The following AMPD3 variants were observed in gnomAD, a reference collection of about 807,000 sequenced individuals.
AMPD3 encodes AMP deaminase 3.
In AMPD3, 57 loss-of-function variants were observed where a neutral mutation model predicts 82.3. The observed-to-expected ratio is 0.69, with a 90% CI of 0.56 to 0.86. The LOEUF (loss-of-function observed/expected upper bound fraction) is 0.86, where lower values mean the gene tolerates loss of function less well. Ranked by LOEUF, AMPD3 falls within the 40% of genes least tolerant of loss-of-function variation. The probability of loss-of-function intolerance (pLI) is 0.00; values close to 1 mark genes in which losing one functional copy is unlikely to be tolerated. For missense variants in AMPD3, 870 were observed against 1,003.8 expected (o/e 0.87, Z 1.80); for synonymous variants, 381 against 394.7 (o/e 0.97, Z 0.41).
At chr11:10,501,043 G>T in intron 11 of AMPD3, 3 of 985,382 alleles carry the variant, frequency 3.0e-6, no homozygotes, top group South Asian at 4.7e-5. Flanking sequence ...CTCTGGTTCT[G>T]GCTTTGCTAC....
chr11:10,499,990 C>T (rs1244824035), intron 10 of AMPD3, 96 bp from the exon 11 acceptor site: 4 of 1,567,468 alleles, frequency 2.6e-6, no homozygotes, highest in African/African-American at 2.7e-5. Flanking sequence ...GGGGCCCAGA[C>T]CCACAGGCCT....
Position 10,500,958 on chromosome 11 carries a change from C to T in AMPD3, c.1722-512C>T, listed in dbSNP as rs534428251. Reference sequence around the variant, plus strand: ...TGCTAGTTGGTGGGTGTGGAGGTTTCGAATGGGGTCCTGATTGAAAGAAAT... The same window carrying T: ...TGCTAGTTGGTGGGTGTGGAGGTTTTGAATGGGGTCCTGATTGAAAGAAAT... On this transcript the variant is annotated intron_variant, in intron 11 of 14. Transcript: ENST00000396553. 10 of 985,350 alleles carry T rather than the reference C, an allele frequency of 1.0e-5. No homozygotes were observed. The East Asian group carries it at 4.5e-4, about 45-fold the overall frequency. The allele number at this position is 985,350 out of a possible 1,614,324, so 61.0% of individuals were successfully genotyped here. A position where few individuals can be genotyped will look rare whatever the true frequency, so the allele number is the denominator to read the frequency against.
In AMPD3 at chr11:10,470,448, T is replaced by C. The variant is rs549326126; in HGVS notation, c.222-8078T>C. Among the ~76,000 whole-genome samples the C allele has an allele frequency of 1.1e-4, 17 of 152,322 alleles. No individual in the cohort carries two copies. The South Asian group carries it at 3.5e-3, about 32-fold the overall frequency. On this transcript the variant is annotated intron_variant, in intron 2 of 14. Transcript: ENST00000396553. The stretch of plus-strand genomic sequence containing the variant: ...CTCACCACTCCTATTCAACATAGTA[T>C]TGGAAGTTCTGGCAGGGGCAATCAG...
chr11:10,500,070 G>A lies in AMPD3; in HGVS notation c.1558-16G>A. On this transcript the variant is annotated splice_polypyrimidine_tract_variant and intron_variant, in intron 10 of 14. Transcript: ENST00000396553. ...GGTCCTGCCTTGGCCTGGTGCTCAGGACCTCTCCTGCCCAGGTGACGGGGT... is the reference window on the plus strand; with the variant it reads ...GGTCCTGCCTTGGCCTGGTGCTCAGAACCTCTCCTGCCCAGGTGACGGGGT... The A allele has an allele frequency of 6.2e-7, 1 of 1,614,136 alleles. No homozygotes were observed. The highest frequency in any genetic ancestry group is 8.5e-7 in the Non-Finnish European group (1 of 1,180,014).
At chr11:10,497,083 C>A in intron 10 of AMPD3, 145 bp downstream of exon 10, 1 of 1,086,256 alleles carries the variant, frequency 9.2e-7, no homozygotes, top group Non-Finnish European at 1.4e-6. Context: ...GTCACCAGCC[C>A]CAAGAAGCTA....
chr11:10,459,648 C>T (rs1018120131), intron 1 of AMPD3, among the ~76,000 whole-genome samples: 4 of 152,170 alleles, frequency 2.6e-5, no homozygotes, highest in Non-Finnish European at 5.9e-5. Flanking sequence ...ATGGGAAACT[C>T]CTCTTCCAGA....
intron 6 of AMPD3, chr11:10,488,280 A>G (rs950421483): frequency 5.1e-6 from 5 of 985,314 alleles, no homozygotes; most frequent in Non-Finnish European, 6.0e-6. Flanking sequence ...AGTGCTAGGC[A>G]GGGGGTGTTT....
At position 10,502,079 on chromosome 11, in the gene AMPD3, A is replaced by G. The variant is rs118025635; in HGVS notation, c.1842+489A>G. The G allele has an allele frequency of 1.7e-5, 17 of 985,376 alleles. 1 individual carries two copies. The East Asian group carries it at 1.4e-3, about 79-fold the overall frequency. The allele number at this position is 985,376 out of a possible 1,614,324, so 61.0% of individuals were successfully genotyped here. Reference sequence around the variant, plus strand: ...CACTAGTTGGGCACAGAGTCCATCCACCTTTTCACTGGTGTACCCTTGAGC... The same window carrying G: ...CACTAGTTGGGCACAGAGTCCATCCGCCTTTTCACTGGTGTACCCTTGAGC... On this transcript the variant is annotated intron_variant, in intron 12 of 14. Coordinates refer to ENST00000396553, the MANE Select transcript of AMPD3 (RefSeq NM_001025389.2).
At chr11:10,467,775 A>G (rs916464440) in intron 2 of AMPD3, among the ~76,000 whole-genome samples, 1 of 152,226 alleles carries the variant, frequency 6.6e-6, no homozygotes, top group Non-Finnish European at 1.5e-5. Flanking sequence ...GAGAAAGGTC[A>G]GGCTACCCAC....
chr11:10,502,608 G>C (rs906567602), intron 12 of AMPD3, 113 bp from the exon 13 acceptor site: 1 of 1,591,226 alleles, frequency 6.3e-7, no homozygotes, highest in Non-Finnish European at 8.5e-7. Flanking sequence ...GGGCAGACAT[G>C]GTTCAGACCC....
chr11:10,457,037 GT>G (rs1848116639), intron 1 of AMPD3, among the ~76,000 whole-genome samples: 1 of 150,330 alleles, frequency 6.7e-6, no homozygotes, highest in Non-Finnish European at 1.5e-5. Flanking sequence ...GAGTACGGTG[GT>G]GCCATCATGG....
At position 10,505,731 on chromosome 11, in the gene AMPD3, A is replaced by G. The variant is rs1235704267; in HGVS notation, c.2151A>G (p.Gln717=). The change falls in exon 15 of 15, where the codon CAA becomes CAG. Residue 717 remains glutamine (Q), a synonymous_variant. Transcript: ENST00000396553. ...AGGAAAAGCAAAAGTTTCTGGGACA[A>G]AATTATTATAAAGAAGGACCTGAAG... The part of the protein sequence containing the change: ...SHQEKQKFLG[Q]NYYKEGPEGN... The G allele has an allele frequency of 2.5e-6, 4 of 1,614,010 alleles. No homozygotes were observed. Among genetic ancestry groups the G allele is most frequent in the Non-Finnish European group, 3.4e-6 (4 of 1,180,032 alleles).
chr11:10,467,045 C>T (rs1438803114), intron 2 of AMPD3, among the ~76,000 whole-genome samples: 3 of 152,276 alleles, frequency 2.0e-5, no homozygotes, highest in East Asian at 1.9e-4. Context: ...GATAAATCCA[C>T]GAAGATGGGG....
chr11:10,475,000 C>G (rs982021632), intron 2 of AMPD3, among the ~76,000 whole-genome samples: 1 of 152,214 alleles, frequency 6.6e-6, no homozygotes, highest in Non-Finnish European at 1.5e-5. Context: ...CACACTCACT[C>G]ACTGTATTAG....
At chr11:10,492,301 GC>G (rs1207352247) in intron 6 of AMPD3, among the ~76,000 whole-genome samples, 3 of 152,244 alleles carry the variant, frequency 2.0e-5, no homozygotes, top group Admixed American at 1.3e-4. Context: ...GGGCCCCACA[GC>G]TTGAGTCCAT....
chr11:10,457,326 C>A (rs770748384), intron 1 of AMPD3, among the ~76,000 whole-genome samples: 1 of 151,898 alleles, frequency 6.6e-6, no homozygotes, highest in African/African-American at 2.4e-5. Context: ...AGTAGTTCTG[C>A]GGAAGATTTT....
At position 10,461,845 on chromosome 11, in the gene AMPD3, C is replaced by T. The variant is rs922765795; in HGVS notation, c.221+105C>T. ...GGCACCTCATGGGGACTGGTATGTC[C>T]CTAGAGCTGTGTTGGTTCCTTAACC... On this transcript the variant is annotated intron_variant, in intron 2 of 14. Coordinates refer to ENST00000396553, the MANE Select transcript of AMPD3 (RefSeq NM_001025389.2). 3.0e-5 allele frequency: 33 copies of T among 1,100,534 alleles called. No individual in the cohort carries two copies. In the South Asian group the frequency reaches 4.2e-4, roughly 14 times the overall value. 68.2% of individuals were successfully genotyped at this position (1,100,534 alleles called of 1,614,324 possible).
intron 2 of AMPD3, among the ~76,000 whole-genome samples, chr11:10,476,465 G>GTTT (rs34375327): frequency 8.9e-5 from 13 of 145,560 alleles, no homozygotes; most frequent in Non-Finnish European, 1.7e-4. Context: ...GGGCTGTAGT[G>GTTT]TTTTTTTTTT....
upstream of AMPD3, among the ~76,000 whole-genome samples, chr11:10,453,664 C>A (rs1220413511): frequency 6.6e-6 from 1 of 151,962 alleles, no homozygotes; most frequent in Non-Finnish European, 1.5e-5. Context: ...TGTCAGCTCA[C>A]TGCAACTTCT....
Sources: gnomAD v4.1 joint callset for allele counts (sites outside exome capture counted in the v4.1 genomes callset) on GRCh38, gnomAD v4.1.1 for gene constraint, MANE v1.5 for transcripts, NCBI Gene and HGNC (gene_info 2026-07-23, HGNC 2026-07-21) for gene names.